PRKD3: variants seen among roughly 807,000 people sequenced by gnomAD.
PRKD3 encodes protein kinase D3.
PRKD3 carries 47 observed loss-of-function variants against 99.2 expected under a neutral mutation model. The ratio of observed to expected loss-of-function variants is 0.47; its 90% confidence interval spans 0.38 to 0.60. PRKD3 has a LOEUF of 0.60. PRKD3 is among the 20% of genes least tolerant of loss of function. The pLI is 0.00. For synonymous variants in PRKD3, 392 were observed against 355.4 expected (o/e 1.10, Z -1.16); for missense variants, 1,019 against 1,088.4 (o/e 0.94, Z 0.90).
intron 2 of PRKD3, 149 bp downstream of exon 2, chr2:37,316,088 T>TA (rs1671642475): frequency 1.2e-5 from 10 of 800,460 alleles, no homozygotes; most frequent in African/African-American, 5.3e-5. Flanking sequence ...ATTTCAGTCT[T>TA]TAGCCTCAGA....
In PRKD3 at chr2:37,254,301, G is replaced by T; in HGVS notation, c.2414-12C>A. 1 of 1,603,316 alleles carries T rather than the reference G, an allele frequency of 6.2e-7. No individual in the cohort carries two copies. Among genetic ancestry groups the T allele is most frequent in the Non-Finnish European group, 8.5e-7 (1 of 1,170,274 alleles). ...TATCAGATCAATTGCTAAGGGAAAA[G>T]ACAAAACAAGATACATGAATTTGGG... On this transcript the variant is annotated splice_polypyrimidine_tract_variant and intron_variant, in intron 17 of 18. Transcript: ENST00000234179.
In PRKD3 at chr2:37,265,507, A is replaced by G. The variant is rs542230505; in HGVS notation, c.1884+1923T>C. Reference sequence around the variant, plus strand: ...TTATACTACACACACACACACACACAAACACACACACAGAGTGGGTCAGTC... The same window carrying G: ...TTATACTACACACACACACACACACGAACACACACACAGAGTGGGTCAGTC... On this transcript the variant is annotated intron_variant, in intron 14 of 18. Transcript: ENST00000234179. Among the ~76,000 whole-genome samples the G allele has an allele frequency of 3.4e-4, 52 of 152,192 alleles. 2 individuals are homozygous for G. The South Asian group carries it at 0.011, about 32-fold the overall frequency.
rs768130068 is a variant in PRKD3 at position 37,277,831 on chromosome 2, C to G, written c.1296+35G>C. ...CACAGAATGAAACTCATAACAAAGTCTTACTAGCATATTCAAATGTATTTG... is the reference window on the plus strand; with the variant it reads ...CACAGAATGAAACTCATAACAAAGTGTTACTAGCATATTCAAATGTATTTG... On this transcript the variant is annotated intron_variant, in intron 9 of 18. Transcript: ENST00000234179. The G allele has an allele frequency of 6.2e-6, 10 of 1,601,828 alleles. No individual in the cohort carries two copies. In the South Asian group the frequency reaches 1.0e-4, roughly 16 times the overall value.
intron 17 of PRKD3, among the ~76,000 whole-genome samples, chr2:37,254,945 A>G (rs1175347570): frequency 6.6e-6 from 1 of 152,206 alleles, no homozygotes. Flanking sequence ...CAATTGCAAA[A>G]CCAAGGCAAC....
chr2:37,293,825 TTTCA>T (rs1332295241), intron 2 of PRKD3, among the ~76,000 whole-genome samples: 3 of 152,206 alleles, frequency 2.0e-5, no homozygotes, highest in Admixed American at 6.5e-5. Context: ...CGTTTACCTA[TTTCA>T]TACTGTAGCC....
chr2:37,268,097 T>C (rs1165029543), intron 13 of PRKD3: 1 of 297,996 alleles, frequency 3.4e-6, no homozygotes, highest in Non-Finnish European at 6.6e-6. Context: ...TATTATGTAC[T>C]AGGTATGCCT....
chr2:37,288,961 G>T (rs1306006998), intron 5 of PRKD3, among the ~76,000 whole-genome samples: 1 of 152,002 alleles, frequency 6.6e-6, no homozygotes. Context: ...GGCTGAGGCA[G>T]GAGAATTGCT....
chr2:37,307,979 A>AC lies in PRKD3; in HGVS notation c.288+8257_288+8258insG, dbSNP rs529233047. Among the ~76,000 whole-genome samples, 13 of 152,272 alleles carry AC rather than the reference A, an allele frequency of 8.5e-5. 1 individual carries two copies. In the South Asian group the frequency reaches 2.7e-3, roughly 32 times the overall value. On this transcript the variant is annotated intron_variant, in intron 2 of 18. Coordinates refer to ENST00000234179, the MANE Select transcript of PRKD3 (RefSeq NM_005813.6). ...ATTGATTGTTCTCTATTTCTATGAA[A>AC]TTTTACCATGCTCTCCCCCATACTG...
chr2:37,259,543 G>A (rs1668243359), intron 16 of PRKD3, 40 bp downstream of exon 16: 3 of 1,475,778 alleles, frequency 2.0e-6, no homozygotes, highest in Non-Finnish European at 9.4e-7. Flanking sequence ...CTTTGAAAAT[G>A]TTGCCAGAAT....
chr2:37,320,786 A>T (rs1671855531), intron 1 of PRKD3, among the ~76,000 whole-genome samples: 1 of 152,202 alleles, frequency 6.6e-6, no homozygotes. Context: ...TCATTTTATT[A>T]TACCTAGTAA....
chr2:37,267,857 G>T, intron 13 of PRKD3: 1 of 257,426 alleles, frequency 3.9e-6, no homozygotes, highest in East Asian at 1.1e-4. Flanking sequence ...ACTCTGTCAA[G>T]ATGGAAATAC....
rs1302229006 is a variant in PRKD3 at position 37,279,855 on chromosome 2, G to A, written c.1063C>T (p.Arg355Trp). The A allele has an allele frequency of 7.4e-6, 12 of 1,612,368 alleles. No individual in the cohort carries two copies. The highest frequency in any genetic ancestry group is 9.3e-6 in the Non-Finnish European group (11 of 1,178,732). The change falls in exon 8 of 19, where the codon CGG becomes TGG. Residue 355 changes from arginine (R) to tryptophan (W), a missense_variant. This residue lies in a region of PRKD3 where 710 missense variants were observed against 692.7 expected (regional missense o/e 1.02). Transcript: ENST00000234179. ...GGCTCTTCTGTGTCATCCAAACCCCGACTACTATCACTATTTATGTCATTA... is the reference window on the plus strand; with the variant it reads ...GGCTCTTCTGTGTCATCCAAACCCCAACTACTATCACTATTTATGTCATTA... ...DNNDINSDSSRGLDDTEEPSP... is the reference protein window; with the variant it reads ...DNNDINSDSSWGLDDTEEPSP...
rs144685433 is a variant in PRKD3, at chr2:37,303,398, G to T, written c.289-10127C>A. Among the ~76,000 whole-genome samples the T allele has an allele frequency of 2.0e-5, 3 of 152,222 alleles. No individual in the cohort carries two copies. In the East Asian group the frequency reaches 5.8e-4, roughly 29 times the overall value. On this transcript the variant is annotated intron_variant, in intron 2 of 18. Transcript: ENST00000234179. The stretch of plus-strand genomic sequence containing the variant: ...CTGGTGGAGGGCAGCCACCCCACAC[G>T]ATGAGGCAAGGCGCCCACTGAGCTG...
chr2:37,308,335 G>GC (rs1261645003), intron 2 of PRKD3, among the ~76,000 whole-genome samples: 2 of 152,162 alleles, frequency 1.3e-5, no homozygotes, highest in Non-Finnish European at 2.9e-5. Context: ...TGAGCTGCCT[G>GC]CTGTCCAGAG....
intron 2 of PRKD3, among the ~76,000 whole-genome samples, chr2:37,302,376 C>T (rs1431930502): frequency 6.6e-6 from 1 of 152,186 alleles, no homozygotes; most frequent in African/African-American, 2.4e-5. Flanking sequence ...CACCCTCATG[C>T]ACTCTGCTCA....
chr2:37,304,150 T>C (rs936790604), intron 2 of PRKD3, among the ~76,000 whole-genome samples: 1 of 151,044 alleles, frequency 6.6e-6, no homozygotes, highest in Admixed American at 6.6e-5. Flanking sequence ...TCTCTTTTCA[T>C]GTTCCTCCTG....
At chr2:37,280,354 G>C (rs1669799818) in intron 7 of PRKD3, among the ~76,000 whole-genome samples, 2 of 151,858 alleles carry the variant, frequency 1.3e-5, no homozygotes, top group Non-Finnish European at 2.9e-5. Flanking sequence ...CTAAGATAAA[G>C]TATTTCTTAA....
intron 16 of PRKD3, among the ~76,000 whole-genome samples, chr2:37,258,525 T>C (rs149453874): frequency 1.2e-4 from 18 of 152,322 alleles, no homozygotes; most frequent in African/African-American, 2.4e-4. Flanking sequence ...ATTGGAACAC[T>C]GTGGATCACT....
intron 14 of PRKD3, among the ~76,000 whole-genome samples, chr2:37,266,081 T>C (rs1254068765): frequency 6.6e-6 from 1 of 152,226 alleles, no homozygotes; most frequent in Non-Finnish European, 1.5e-5. Context: ...GCTATTAATA[T>C]TCTATTTAAA....
Sources: gnomAD v4.1 joint callset for allele counts (sites outside exome capture counted in the v4.1 genomes callset) on GRCh38, gnomAD v4.1.1 for gene constraint, gnomAD v4.1.1 regional missense constraint, MANE v1.5 for transcripts, NCBI Gene and HGNC (gene_info 2026-07-23, HGNC 2026-07-21) for gene names.